The following DNAH11 variants were observed in gnomAD, a reference collection of about 807,000 sequenced individuals.
The protein encoded by DNAH11 is axonemal beta dynein heavy chain 11.
Under a neutral mutation model 526.0 loss-of-function variants are expected in DNAH11, and 442 were observed. That is an observed-to-expected ratio of 0.84 (90% CI 0.78 to 0.91). The LOEUF is 0.91. DNAH11 is among the 40% of genes least tolerant of loss of function. DNAH11 has a pLI of 0.00. For missense variants in DNAH11, 6,989 were observed against 5,448.7 expected (o/e 1.28, Z -8.90); for synonymous variants, 2,461 against 1,935.9 (o/e 1.27, Z -7.12).
chr7:21,777,932 A>G (rs904881464), intron 56 of DNAH11, among the ~76,000 whole-genome samples: 1 of 152,188 alleles, frequency 6.6e-6, no homozygotes, highest in Admixed American at 6.5e-5. Context: ...TGTCTTTAGC[A>G]TTTGAGTTAA....
intron 64 of DNAH11, 150 bp downstream of exon 64, chr7:21,816,852 A>G: frequency 2.9e-6 from 2 of 678,724 alleles, no homozygotes; most frequent in South Asian, 4.1e-5. Context: ...CATGTTTCAT[A>G]TAAAGTATCT....
rs1250661848 is a variant in DNAH11 at position 21,617,594 on chromosome 7, G to A, written c.4096-25G>A. 3 of 1,612,876 alleles carry A rather than the reference G, an allele frequency of 1.9e-6. No homozygotes were observed. In the East Asian group the frequency reaches 6.7e-5, roughly 36 times the overall value. On this transcript the variant is annotated intron_variant, in intron 22 of 81. Transcript: ENST00000409508. ...ATACTGTGTTATATCTTGGGAGCTA[G>A]GTTTTTTCCTCCACTTTTCTTTAGG... is the stretch of plus-strand genomic sequence containing the variant.
chr7:21,763,728 C>A (rs1272621424), intron 54 of DNAH11, among the ~76,000 whole-genome samples: 1 of 149,854 alleles, frequency 6.7e-6, no homozygotes, highest in East Asian at 1.9e-4. Context: ...GCGTTATTCA[C>A]GATAGCTGAG....
chr7:21,717,427 T>TC (rs1418231817), intron 42 of DNAH11, among the ~76,000 whole-genome samples: 1 of 152,200 alleles, frequency 6.6e-6, no homozygotes, highest in Admixed American at 6.5e-5. Context: ...CAAGCTGTTT[T>TC]CATAAATAAG....
At chr7:21,829,119 G>T (rs1485500746) in intron 65 of DNAH11, among the ~76,000 whole-genome samples, 1 of 152,060 alleles carries the variant, frequency 6.6e-6, no homozygotes, top group Admixed American at 6.6e-5. Flanking sequence ...GACTGTAGCT[G>T]TTGGAATTCC....
At chr7:21,564,049 AG>A in intron 5 of DNAH11, 136 bp from the exon 6 acceptor site, 1 of 576,742 alleles carries the variant, frequency 1.7e-6, no homozygotes, top group South Asian at 3.3e-5. Context: ...TTGTAGGATA[AG>A]TAATATAAAA....
chr7:21,643,907 C>CT (rs1787236321), intron 28 of DNAH11, among the ~76,000 whole-genome samples: 1 of 151,938 alleles, frequency 6.6e-6, no homozygotes, highest in Non-Finnish European at 1.5e-5. Context: ...TTAATTTCAC[C>CT]TTTTTAAAAT....
intron 61 of DNAH11, among the ~76,000 whole-genome samples, chr7:21,799,384 C>G (rs1030665436): frequency 2.0e-5 from 3 of 151,972 alleles, no homozygotes; most frequent in Non-Finnish European, 4.4e-5. Context: ...GTTTCCCAGA[C>G]TGGAGTGCAA....
rs184589625 is a variant in DNAH11, at chr7:21,544,453, T to A, written c.352-553T>A. 6.9e-3 allele frequency among the ~76,000 whole-genome samples: 1,050 copies of A among 152,302 alleles called. 3 individuals are homozygous for A. Among genetic ancestry groups the A allele is most frequent in the Non-Finnish European group, 0.012 (815 of 68,034 alleles). ...AATTGTAACTTTAAAAAAAATAAGT[T>A]TGTCAGTAGACAAGGCGATAGAACA... On this transcript the variant is annotated intron_variant, in intron 1 of 81. Coordinates refer to ENST00000409508, the MANE Select transcript of DNAH11 (RefSeq NM_001277115.2).
chr7:21,669,110 G>T (rs555811221), intron 30 of DNAH11, among the ~76,000 whole-genome samples: 1 of 152,050 alleles, frequency 6.6e-6, no homozygotes, highest in Non-Finnish European at 1.5e-5. Context: ...ATTAGCATTC[G>T]TACATCCTCT....
chr7:21,721,651 C>T (rs902122155), intron 44 of DNAH11, among the ~76,000 whole-genome samples: 3 of 152,138 alleles, frequency 2.0e-5, no homozygotes, highest in African/African-American at 7.2e-5. Context: ...GGACACTAAT[C>T]CCATCATGAG....
intron 79 of DNAH11, 110 bp from the exon 80 acceptor site, chr7:21,899,226 G>GTA: frequency 1.2e-6 from 1 of 811,396 alleles, no homozygotes; most frequent in Non-Finnish European, 2.2e-6. Flanking sequence ...GCTAGCAGTG[G>GTA]TATACTTCTC....
At chr7:21,819,646 G>A (rs1562565306) in intron 65 of DNAH11, among the ~76,000 whole-genome samples, 1 of 152,096 alleles carries the variant, frequency 6.6e-6, no homozygotes, top group East Asian at 1.9e-4. Flanking sequence ...ACTTTCAATA[G>A]CACAATTTAG....
chr7:21,652,581 G>A (rs1334615440), intron 28 of DNAH11, among the ~76,000 whole-genome samples: 1 of 152,134 alleles, frequency 6.6e-6, no homozygotes, highest in Non-Finnish European at 1.5e-5. Flanking sequence ...AACCAACAGT[G>A]AGAAGCTTTA....
At chr7:21,592,966 A>C (rs1784741160) in intron 14 of DNAH11, among the ~76,000 whole-genome samples, 2 of 152,178 alleles carry the variant, frequency 1.3e-5, no homozygotes, top group South Asian at 4.1e-4. Context: ...AGAATTGCAA[A>C]TGTGTCTTGT....
chr7:21,765,616 A>T lies in DNAH11; in HGVS notation c.9102+27A>T, dbSNP rs752480755. 2.8e-4 allele frequency: 163 copies of T among 586,522 alleles called. 1 individual carries two copies. In the African/African-American group the frequency reaches 0.011, roughly 39 times the overall value. 36.3% of individuals were successfully genotyped at this position (586,522 alleles called of 1,614,324 possible). A position where few individuals can be genotyped will look rare whatever the true frequency, so the allele number is the denominator to read the frequency against. ...TATGCCGTGTCAGCCTGCGTCACAC[A>T]CACACACACACACACACACACACAC... On this transcript the variant is annotated intron_variant, in intron 55 of 81. Transcript: ENST00000409508.
intron 62 of DNAH11, 112 bp from the exon 63 acceptor site, chr7:21,807,771 A>G (rs1436821734): frequency 5.2e-6 from 5 of 965,692 alleles, no homozygotes; most frequent in African/African-American, 3.2e-5. Flanking sequence ...TCTGTTCCTT[A>G]TAGTGACTGT....
At chr7:21,625,860 A>G (rs1032850796) in intron 25 of DNAH11, among the ~76,000 whole-genome samples, 1 of 152,134 alleles carries the variant, frequency 6.6e-6, no homozygotes, top group African/African-American at 2.4e-5. Context: ...TTGGAAAAAT[A>G]CTTGATGTTA....
rs1471286348 is a variant in DNAH11, at chr7:21,720,872, G to C, written c.7266+16G>C. On this transcript the variant is annotated intron_variant, in intron 44 of 81. Coordinates refer to ENST00000409508, the MANE Select transcript of DNAH11 (RefSeq NM_001277115.2). ...ACAAGATCAGGTATGTTTAGAAATA[G>C]TTTACAGGACCAGTTTCCAGTTTTG... is the stretch of plus-strand genomic sequence containing the variant. 1 of 1,608,900 alleles carries C rather than the reference G, an allele frequency of 6.2e-7. No homozygotes were observed. Among genetic ancestry groups the C allele is most frequent in the Admixed American group, 1.7e-5 (1 of 59,630 alleles).
Sources: allele counts gnomAD v4.1 joint callset (sites outside exome capture counted in the v4.1 genomes callset), GRCh38; gene constraint gnomAD v4.1.1; transcripts MANE v1.5; gene names NCBI Gene and HGNC (gene_info 2026-07-23, HGNC 2026-07-21).